Variants in MAGI1 observed in about 807,000 individuals in gnomAD.
The protein encoded by MAGI1 is membrane associated guanylate kinase, WW and PDZ domain containing 1.
A neutral mutation model predicts 139.9 loss-of-function variants in MAGI1; 58 were observed. The ratio of observed to expected loss-of-function variants is 0.41; its 90% CI spans 0.34 to 0.52. The LOEUF (loss-of-function observed/expected upper bound fraction) is 0.52. Among genes scored for constraint, MAGI1 ranks in the 20% least tolerant of loss-of-function variants. MAGI1 has a pLI of 0.12. For missense variants in MAGI1, 1,874 were observed against 1,901.6 expected, an observed-to-expected ratio of 0.99 and a Z score of 0.27; for synonymous variants, 812 against 737.9, an observed-to-expected ratio of 1.10 and a Z score of -1.63.
rs1276634011 is a variant in MAGI1, at chr3:65,527,014, C to G, written c.431-33383G>C. On this transcript the variant is annotated intron_variant, in intron 2 of 22. Coordinates refer to ENST00000402939, the MANE Select transcript of MAGI1 (RefSeq NM_001033057.2). The stretch of plus-strand genomic sequence containing the variant: ...CAAAGAAAGCAGGCTTTAAAAAACT[C>G]TAGAATGGTTATGATATTTTAGGAA... 1.9e-4 allele frequency among the ~76,000 whole-genome samples: 29 copies of G among 152,186 alleles called. 1 individual carries two copies. The highest frequency in any genetic ancestry group is 1.9e-3 in the Admixed American group (29 of 15,272).
intron 12 of MAGI1, among the ~76,000 whole-genome samples, chr3:65,410,243 G>T (rs1479112301): frequency 1.3e-5 from 2 of 152,194 alleles, no homozygotes; most frequent in African/African-American, 4.8e-5. Context: ...TATGCCTAAA[G>T]GTTGAAAGCT....
chr3:65,998,116 A>G (rs2066554894), intron 1 of MAGI1, among the ~76,000 whole-genome samples: 2 of 152,002 alleles, frequency 1.3e-5, no homozygotes, highest in Non-Finnish European at 2.9e-5. Flanking sequence ...AAAAAAAAAA[A>G]AAAAACAAAC....
At chr3:65,688,113 T>C (rs2088225165) in intron 1 of MAGI1, 2 of 771,192 alleles carry the variant, frequency 2.6e-6, no homozygotes, top group Non-Finnish European at 4.6e-6. Flanking sequence ...TAGGTGTTGC[T>C]TGCAGATTCT....
chr3:65,743,900 G>A (rs1041586734), intron 1 of MAGI1, among the ~76,000 whole-genome samples: 1 of 151,514 alleles, frequency 6.6e-6, no homozygotes, highest in African/African-American at 2.4e-5. Flanking sequence ...TACACATAAA[G>A]ATAATATATA....
chr3:65,785,307 G>T (rs1224789486), intron 1 of MAGI1, among the ~76,000 whole-genome samples: 1 of 152,136 alleles, frequency 6.6e-6, no homozygotes, highest in African/African-American at 2.4e-5. Context: ...ACATACAGGG[G>T]TCCTATTTAC....
chr3:65,628,491 A>C (rs953739930), intron 1 of MAGI1, among the ~76,000 whole-genome samples: 1 of 152,098 alleles, frequency 6.6e-6, no homozygotes, highest in African/African-American at 2.4e-5. Flanking sequence ...CCCATATGAA[A>C]AGCTGCCCAC....
At chr3:65,538,116 C>G (rs1345395614) in intron 2 of MAGI1, among the ~76,000 whole-genome samples, 2 of 152,152 alleles carry the variant, frequency 1.3e-5, no homozygotes, top group Admixed American at 1.3e-4. Flanking sequence ...GCCTGGGCAA[C>G]AAGAGCGAAG....
intron 3 of MAGI1, among the ~76,000 whole-genome samples, chr3:65,493,200 T>A (rs905095701): frequency 3.3e-5 from 5 of 152,230 alleles, no homozygotes; most frequent in African/African-American, 1.2e-4. Flanking sequence ...GATCACATTT[T>A]GTGATTAACC....
At chr3:65,803,446 T>C (rs1185805094) in intron 1 of MAGI1, among the ~76,000 whole-genome samples, 1 of 152,232 alleles carries the variant, frequency 6.6e-6, no homozygotes, top group Non-Finnish European at 1.5e-5. Context: ...AAATTTTAGA[T>C]GTGATATTAC....
chr3:65,833,873 T>C (rs901667837), intron 1 of MAGI1, among the ~76,000 whole-genome samples: 2 of 152,234 alleles, frequency 1.3e-5, no homozygotes, highest in Non-Finnish European at 2.9e-5. Context: ...TTCATTTGCA[T>C]GCAGGAAAAA....
At chr3:65,657,799 G>A (rs960431416) in intron 1 of MAGI1, among the ~76,000 whole-genome samples, 2 of 152,138 alleles carry the variant, frequency 1.3e-5, no homozygotes, top group Admixed American at 6.5e-5. Context: ...ATGACCCCCA[G>A]TGAAGTGATA....
intron 6 of MAGI1, 130 bp from the exon 7 acceptor site, chr3:65,448,187 T>C (rs1418539605): frequency 2.1e-5 from 17 of 822,758 alleles, no homozygotes; most frequent in Admixed American, 9.5e-5. Context: ...CTTACCTGCA[T>C]TGTGGCTTAT....
intron 1 of MAGI1, among the ~76,000 whole-genome samples, chr3:65,971,506 T>TCACTCCAAGCTGGCAGC (rs1234783544): frequency 1.3e-5 from 2 of 152,144 alleles, no homozygotes; most frequent in African/African-American, 4.8e-5. Context: ...TCCCTGGCAG[T>TCACTCCAAGCTGGCAGC]CACTCCAAGC....
rs138104786 is a variant in MAGI1, at chr3:65,544,061, T to C, written c.431-50430A>G. ...GGGAAAGGGAGAGGTGTAGTAGACA[T>C]AGAAGCAGATATATAAAGTAGATAT... On this transcript the variant is annotated intron_variant, in intron 2 of 22. Transcript: ENST00000402939. Among the ~76,000 whole-genome samples the C allele has an allele frequency of 1.9e-4, 29 of 152,216 alleles. No individual in the cohort carries two copies. The East Asian group carries it at 4.8e-3, about 25-fold the overall frequency.
At chr3:65,836,500 C>A (rs1489388247) in intron 1 of MAGI1, among the ~76,000 whole-genome samples, 1 of 152,040 alleles carries the variant, frequency 6.6e-6, no homozygotes, top group Non-Finnish European at 1.5e-5. Flanking sequence ...ATGACGAGAC[C>A]AATAGGAAAG....
intron 12 of MAGI1, among the ~76,000 whole-genome samples, chr3:65,416,402 T>A (rs1269331135): frequency 6.6e-6 from 1 of 152,016 alleles, no homozygotes; most frequent in Non-Finnish European, 1.5e-5. Context: ...TTGCAACAAA[T>A]ACAAAGATCA....
At chr3:65,433,405 A>G (rs1468643018) in intron 10 of MAGI1, among the ~76,000 whole-genome samples, 2 of 152,154 alleles carry the variant, frequency 1.3e-5, no homozygotes, top group African/African-American at 4.8e-5. Context: ...AAATTATACG[A>G]CTGACTTCCT....
intron 12 of MAGI1, among the ~76,000 whole-genome samples, chr3:65,419,099 T>G (rs1946445139): frequency 6.6e-6 from 1 of 152,110 alleles, no homozygotes; most frequent in South Asian, 2.1e-4. Flanking sequence ...TTCTCCCTCC[T>G]TCCTGCTCTT....
At chr3:66,027,725 G>A (rs2068364225) in intron 1 of MAGI1, among the ~76,000 whole-genome samples, 1 of 152,302 alleles carries the variant, frequency 6.6e-6, no homozygotes, top group East Asian at 1.9e-4. Context: ...CAGATTCCCA[G>A]TATCAAGCAT....
Sources: gnomAD v4.1 joint callset for allele counts (sites outside exome capture counted in the v4.1 genomes callset) on GRCh38, gnomAD v4.1.1 for gene constraint, MANE v1.5 for transcripts, NCBI Gene and HGNC (gene_info 2026-07-23, HGNC 2026-07-21) for gene names.